FGF14: variants seen among roughly 807,000 people sequenced by gnomAD.
The protein encoded by FGF14 is fibroblast growth factor 14.
Under a neutral mutation model 25.5 loss-of-function variants are expected in FGF14, and 5 were observed. The observed-to-expected ratio is 0.20, with a 90% CI of 0.10 to 0.41. FGF14 has a LOEUF of 0.41. Ranked by LOEUF, FGF14 falls within the 10% of genes least tolerant of loss-of-function variation. FGF14 has a pLI of 1.00. For synonymous variants in FGF14, 138 were observed against 118.3 expected (o/e 1.17, Z -1.08); for missense variants, 222 against 320.1 (o/e 0.69, Z 2.34).
In FGF14 at chr13:101,715,538, G is replaced by A. The variant is rs9518501; in HGVS notation, c.*7293C>T. The A allele has an allele frequency of 0.2, 296,922 of 1,502,556 alleles. 32,370 individuals carry two copies. Among genetic ancestry groups the A allele is most frequent in the Admixed American group, 0.31 (18,435 of 59,724 alleles). 93.1% of individuals were successfully genotyped at this position (1,502,556 alleles called of 1,614,324 possible). On this transcript the variant is annotated 3_prime_UTR_variant, in exon 5 of 5. Transcript: ENST00000376143. Reference sequence around the variant, plus strand: ...TTTGGCACATTTTGATCATAATCATGATACCTATATGTATTTTATTGCAGG... The same window carrying A: ...TTTGGCACATTTTGATCATAATCATAATACCTATATGTATTTTATTGCAGG...
chr13:101,943,155 C>G (rs1466599169), intron 1 of FGF14, among the ~76,000 whole-genome samples: 4 of 152,192 alleles, frequency 2.6e-5, no homozygotes, highest in Admixed American at 1.3e-4. Context: ...AATGTAGGAT[C>G]TGAATCTTGT....
intron 1 of FGF14, among the ~76,000 whole-genome samples, chr13:102,325,020 C>T (rs966997422): frequency 1.3e-5 from 2 of 151,934 alleles, no homozygotes; most frequent in African/African-American, 4.8e-5. Flanking sequence ...CATATGCACA[C>T]ACAGCACCAT....
At chr13:102,132,878 A>C (rs1038980328) in intron 1 of FGF14, among the ~76,000 whole-genome samples, 7 of 152,204 alleles carry the variant, frequency 4.6e-5, no homozygotes, top group African/African-American at 9.7e-5. Context: ...ATTAAATCCA[A>C]AAGTGAGCAA....
intron 1 of FGF14, among the ~76,000 whole-genome samples, chr13:101,926,869 T>A (rs566901308): frequency 6.6e-6 from 1 of 152,320 alleles, no homozygotes; most frequent in Middle Eastern, 3.4e-3. Flanking sequence ...CTTAACCGTA[T>A]AGGTTGACAC....
At chr13:102,101,735 C>T (rs2044673169) in intron 1 of FGF14, among the ~76,000 whole-genome samples, 1 of 151,854 alleles carries the variant, frequency 6.6e-6, no homozygotes, top group South Asian at 2.1e-4. Context: ...GATGGAGTCT[C>T]ACTTTATTGC....
At chr13:102,325,921 C>G (rs1034028187) in intron 1 of FGF14, among the ~76,000 whole-genome samples, 1 of 152,094 alleles carries the variant, frequency 6.6e-6, no homozygotes, top group Non-Finnish European at 1.5e-5. Context: ...TTCAATAAAT[C>G]CTAAATACCT....
At chr13:101,887,516 T>C (rs1259700785) in intron 1 of FGF14, among the ~76,000 whole-genome samples, 6 of 152,042 alleles carry the variant, frequency 3.9e-5, no homozygotes, top group Admixed American at 3.9e-4. Context: ...AGATATCTCA[T>C]ATTCTTGTGG....
At chr13:101,916,180 T>A (rs2139122580) in intron 1 of FGF14, among the ~76,000 whole-genome samples, 1 of 151,948 alleles carries the variant, frequency 6.6e-6, no homozygotes, top group East Asian at 1.9e-4. Context: ...GGGGAACAGG[T>A]TTCCCAGAGC....
intron 1 of FGF14, among the ~76,000 whole-genome samples, chr13:102,066,879 A>G (rs2607651): frequency 0.034 from 5,179 of 152,192 alleles, 272 homozygotes; most frequent in African/African-American, 0.12. Flanking sequence ...GTTTCTCCCC[A>G]TCCTCACAAC....
chr13:102,243,000 T>C (rs1393104328), intron 1 of FGF14, among the ~76,000 whole-genome samples: 1 of 152,122 alleles, frequency 6.6e-6, no homozygotes, highest in African/African-American at 2.4e-5. Flanking sequence ...GTAAAAACAG[T>C]GTGTTCTACT....
At chr13:102,240,719 AAC>A in intron 1 of FGF14, among the ~76,000 whole-genome samples, 1 of 152,190 alleles carries the variant, frequency 6.6e-6, no homozygotes, top group Non-Finnish European at 1.5e-5. Context: ...GAATGTTTGT[AAC>A]ACATAAAATT....
At chr13:102,095,972 A>G (rs1179408110) in intron 1 of FGF14, among the ~76,000 whole-genome samples, 1 of 130,072 alleles carries the variant, frequency 7.7e-6, no homozygotes. Flanking sequence ...ATATTTAAAT[A>G]CAATTTGTGT....
intron 1 of FGF14, among the ~76,000 whole-genome samples, chr13:102,380,329 A>G (rs1404447074): frequency 2.0e-5 from 3 of 152,098 alleles, no homozygotes; most frequent in Admixed American, 6.6e-5. Context: ...GTGCCTCCCT[A>G]TTCAGCTCTA....
chr13:101,767,535 T>C (rs1042775924), intron 3 of FGF14, among the ~76,000 whole-genome samples: 2 of 152,212 alleles, frequency 1.3e-5, no homozygotes, highest in Non-Finnish European at 2.9e-5. Flanking sequence ...AATGTGTGCT[T>C]GTATTTTACT....
At chr13:101,943,276 T>G (rs1370810394) in intron 1 of FGF14, among the ~76,000 whole-genome samples, 2 of 152,178 alleles carry the variant, frequency 1.3e-5, no homozygotes, top group Non-Finnish European at 2.9e-5. Flanking sequence ...CTTAACCGTG[T>G]GTCTGCTACC....
At chr13:102,303,934 G>A (rs1294017232) in intron 1 of FGF14, among the ~76,000 whole-genome samples, 2 of 152,108 alleles carry the variant, frequency 1.3e-5, no homozygotes, top group African/African-American at 2.4e-5. Flanking sequence ...TACCAACAGC[G>A]ATTTTAGACA....
intron 3 of FGF14, among the ~76,000 whole-genome samples, chr13:101,775,486 AAC>A (rs1380016133): frequency 6.6e-6 from 1 of 151,590 alleles, no homozygotes; most frequent in East Asian, 1.9e-4. Flanking sequence ...ATAAGGAGAA[AAC>A]ACACTCTTGT....
intron 1 of FGF14, among the ~76,000 whole-genome samples, chr13:102,161,681 A>AGAAGAAGAAGAG (rs1566765751): frequency 7.7e-5 from 4 of 52,178 alleles, no homozygotes. Context: ...AAGAAGAAGA[A>AGAAGAAGAAGAG]GAAGAAGAAG....
At chr13:102,344,729 C>T (rs1173793122) in intron 1 of FGF14, among the ~76,000 whole-genome samples, 2 of 152,186 alleles carry the variant, frequency 1.3e-5, no homozygotes, top group Non-Finnish European at 2.9e-5. Flanking sequence ...TAGTCATGCA[C>T]ATGAGGTTCA....
Sources: gnomAD v4.1 joint callset for allele counts (sites outside exome capture counted in the v4.1 genomes callset) on GRCh38, gnomAD v4.1.1 for gene constraint, MANE v1.5 for transcripts, NCBI Gene and HGNC (gene_info 2026-07-23, HGNC 2026-07-21) for gene names.